KCTD2: variants seen among roughly 807,000 people sequenced by gnomAD.
KCTD2 encodes the protein BTB/POZ domain-containing protein KCTD2.
In KCTD2, 18 loss-of-function variants were observed where a neutral mutation model predicts 27.9. The ratio of observed to expected loss-of-function variants is 0.64; its 90% CI spans 0.45 to 0.96. The LOEUF (loss-of-function observed/expected upper bound fraction) is 0.96, where lower values mean the gene tolerates loss of function less well. KCTD2 is among the 40% of genes least tolerant of loss of function. The probability of loss-of-function intolerance (pLI) is 0.00; values close to 1 mark genes in which losing one functional copy is unlikely to be tolerated. For synonymous variants in KCTD2, 175 were observed against 148.4 expected, an observed-to-expected ratio of 1.18 and a Z score of -1.30; for missense variants, 280 against 348.0, an observed-to-expected ratio of 0.80 and a Z score of 1.56.
chr17:75,043,914 AG>A (rs77532229), upstream of KCTD2, among the ~76,000 whole-genome samples: 13,900 of 152,030 alleles, frequency 0.091, 1,334 homozygotes, highest in East Asian at 0.57. Context: ...CTTGCTCCAG[AG>A]TTTTACAAAC....
At chr17:75,033,827 C>G (rs532057146) in intron 1 of KCTD2, among the ~76,000 whole-genome samples, 2 of 152,312 alleles carry the variant, frequency 1.3e-5, no homozygotes, top group South Asian at 2.1e-4. Context: ...CTCCATGGAT[C>G]GCGCCTCTGT....
chr17:75,062,136 C>A lies in KCTD2; in HGVS notation c.653C>A (p.Ser218Tyr). 6.2e-7 allele frequency: 1 copy of A among 1,614,070 alleles called. No homozygotes were observed. The highest frequency in any genetic ancestry group is 8.5e-7 in the Non-Finnish European group (1 of 1,179,956). ...GTTCATCAGCTCATCAGCATCGGAT[C>A]TTCCTATAACTACGGCAATGAGGAT... The part of the protein sequence containing the change: ...WKFEQLISIG[S>Y]SYNYGNEDQA... The change falls in exon 5 of 6, where the codon TCT becomes TAT. Residue 218 changes from serine to tyrosine, a missense_variant. Coordinates refer to ENST00000322444, the MANE Select transcript of KCTD2 (RefSeq NM_015353.3).
In KCTD2 at chr17:75,032,661, C is replaced by T. The variant is rs1378034808; in HGVS notation, c.-533C>T. The T allele has an allele frequency of 1.3e-5, 2 of 152,038 alleles. No homozygotes were observed. The highest frequency in any genetic ancestry group is 3.9e-4 in the East Asian group (2 of 5,150). 9.4% of individuals were successfully genotyped at this position (152,038 alleles called of 1,614,324 possible). A position where few individuals can be genotyped will look rare whatever the true frequency, so the allele number is the denominator to read the frequency against. On this transcript the variant is annotated 5_prime_UTR_variant, in exon 1 of 8. Coordinates refer to the KCTD2 transcript ENST00000581589. This position sits in a 1 kb window ranked among gnomAD's most constrained non-coding sequence, Gnocchi z 4.8. ...CCTGGAGCTGGGAGTGAGGTTAGAG[C>T]TGTAAGATCCAAGACCCAGGGAGAC... is the stretch of plus-strand genomic sequence containing the variant.
chr17:75,038,280 G>A (rs1450274838), intron 3 of KCTD2, among the ~76,000 whole-genome samples: 1 of 151,644 alleles, frequency 6.6e-6, no homozygotes, highest in Non-Finnish European at 1.5e-5. Context: ...GATTACAGGC[G>A]CCCCCCGCCC....
intron 1 of KCTD2, among the ~76,000 whole-genome samples, chr17:75,048,603 G>C (rs1295073901): frequency 6.6e-6 from 1 of 152,128 alleles, no homozygotes; most frequent in Non-Finnish European, 1.5e-5. Flanking sequence ...ATAGAAGCCA[G>C]TTTCTTCTTG....
At chr17:75,062,013 C>T in intron 4 of KCTD2, 107 bp from the exon 5 acceptor site, 1 of 1,313,198 alleles carries the variant, frequency 7.6e-7, no homozygotes, top group Non-Finnish European at 1.1e-6. Flanking sequence ...AAGAGTTAAA[C>T]CTTTGATAAC....
At chr17:75,047,899 C>T (rs559703370) in intron 1 of KCTD2, among the ~76,000 whole-genome samples, 1 of 152,166 alleles carries the variant, frequency 6.6e-6, no homozygotes, top group Non-Finnish European at 1.5e-5. Context: ...CTGCCCCTGA[C>T]ATCCCACTGA....
Position 75,047,351 on chromosome 17 carries a change from C to T in KCTD2, c.101C>T (p.Pro34Leu). Residue 34 changes from proline (P) to leucine (L), a missense_variant, in exon 1 of 6, where the codon CCA (proline) becomes CTA (leucine). Pro to Leu is a moderately conservative substitution (Grantham distance 98). Coordinates refer to ENST00000322444, the MANE Select transcript of KCTD2 (RefSeq NM_015353.3). ...GGGPVRGPPS[P>L]RPAGPTPRGH... ...GGCCCAGTCCGCGGGCCCCCCAGCC[C>T]ACGCCCGGCTGGCCCCACGCCCCGC... The T allele has an allele frequency of 8.7e-7, 1 of 1,145,794 alleles. No homozygotes were observed. The highest frequency in any genetic ancestry group is 1.1e-6 in the Non-Finnish European group (1 of 933,352). The allele number at this position is 1,145,794 out of a possible 1,614,324, so 71.0% of individuals were successfully genotyped here.
chr17:75,038,169 G>A (rs2073122004), intron 3 of KCTD2, among the ~76,000 whole-genome samples: 1 of 151,938 alleles, frequency 6.6e-6, no homozygotes, highest in Non-Finnish European at 1.5e-5. Context: ...CACTCAGGCT[G>A]GAGTGCAGTG....
chr17:75,058,305 C>T (rs1181972166), intron 3 of KCTD2, among the ~76,000 whole-genome samples: 2 of 146,480 alleles, frequency 1.4e-5, no homozygotes, highest in Non-Finnish European at 1.5e-5. Context: ...CCAGCCTGGG[C>T]GACAGAGCGA....
intron 1 of KCTD2, among the ~76,000 whole-genome samples, chr17:75,047,842 C>T (rs2073243248): frequency 6.6e-6 from 1 of 152,156 alleles, no homozygotes; most frequent in Non-Finnish European, 1.5e-5. Flanking sequence ...CACACTGCGC[C>T]CACCTGCACC....
At chr17:75,048,878 C>T (rs1322186648) in intron 1 of KCTD2, 1 of 175,126 alleles carries the variant, frequency 5.7e-6, no homozygotes, top group Non-Finnish European at 1.2e-5. Context: ...CATTTTCTCC[C>T]TTTCTTAATA....
chr17:75,033,987 A>C (rs2040089581), intron 1 of KCTD2: 1 of 152,196 alleles, frequency 6.6e-6, no homozygotes, highest in Admixed American at 6.5e-5. Flanking sequence ...TAGAGGTGAA[A>C]GTTCCTTTTA....
upstream of KCTD2, chr17:75,042,677 TAA>T: frequency 6.3e-7 from 1 of 1,588,324 alleles, no homozygotes. Context: ...ATAAGTCAAA[TAA>T]AAACAAGGCT....
At chr17:75,042,240 A>T, upstream of KCTD2, 1 of 1,614,216 alleles carries the variant, frequency 6.2e-7, no homozygotes, top group South Asian at 1.1e-5. Flanking sequence ...TAGTAAGCCC[A>T]GTCGATAGCT....
upstream of KCTD2, chr17:75,047,066 G>C (rs1293514911): frequency 3.7e-6 from 1 of 270,218 alleles, no homozygotes; most frequent in Non-Finnish European, 7.0e-6. Flanking sequence ...GGCTGGTTCC[G>C]GAAGTATCTT....
chr17:75,051,065 C>A (rs2073279297), intron 2 of KCTD2, among the ~76,000 whole-genome samples: 1 of 151,434 alleles, frequency 6.6e-6, no homozygotes, highest in South Asian at 2.1e-4. Flanking sequence ...GCTCCACCTC[C>A]CAGGTTCACG....
intron 3 of KCTD2, among the ~76,000 whole-genome samples, chr17:75,058,098 C>T (rs982106239): frequency 2.0e-5 from 3 of 149,944 alleles, no homozygotes; most frequent in Admixed American, 6.6e-5. Flanking sequence ...CCAAGGCGGG[C>T]GGATCACCTG....
chr17:75,062,396 T>A, intron 5 of KCTD2, 151 bp downstream of exon 5: 1 of 736,166 alleles, frequency 1.4e-6, no homozygotes, highest in Non-Finnish European at 2.1e-6. Flanking sequence ...TTGACTGTTG[T>A]AATTTAATTG....
Sources: gnomAD v4.1 joint callset for allele counts (sites outside exome capture counted in the v4.1 genomes callset) on GRCh38, gnomAD v4.1.1 for gene constraint, Gnocchi (gnomAD v3.1) non-coding constraint, MANE v1.5 for transcripts, NCBI Gene and HGNC (gene_info 2026-07-23, HGNC 2026-07-21) for gene names.